The following IQUB variants were observed in gnomAD, a reference collection of about 807,000 sequenced individuals.
IQUB encodes the protein IQ motif and ubiquitin domain containing, also known as IQ motif and ubiquitin-like domain-containing protein.
IQUB carries 86 observed loss-of-function variants against 86.4 expected under a neutral mutation model. That is an observed-to-expected ratio of 1.00 (90% confidence interval 0.84 to 1.19). The LOEUF (loss-of-function observed/expected upper bound fraction) is 1.19. Among genes scored for constraint, IQUB ranks in the 50% most tolerant of loss-of-function variants. IQUB has a pLI of 0.00. For missense variants in IQUB, 946 were observed against 916.9 expected, an observed-to-expected ratio of 1.03 and a Z score of -0.41; for synonymous variants, 289 against 304.5, an observed-to-expected ratio of 0.95 and a Z score of 0.53.
intron 1 of IQUB, among the ~76,000 whole-genome samples, chr7:123,532,113 G>A (rs1797561428): frequency 6.6e-6 from 1 of 152,178 alleles, no homozygotes; most frequent in Admixed American, 6.5e-5. Flanking sequence ...GGTTAATCAA[G>A]TAGCAGAGGC....
chr7:123,482,156 C>T (rs1795038765), intron 7 of IQUB, among the ~76,000 whole-genome samples: 1 of 151,798 alleles, frequency 6.6e-6, no homozygotes, highest in South Asian at 2.1e-4. Flanking sequence ...AATGTTTATA[C>T]AGGAAATCAT....
At chr7:123,530,917 T>G (rs1298572633) in intron 1 of IQUB, among the ~76,000 whole-genome samples, 7 of 152,000 alleles carry the variant, frequency 4.6e-5, no homozygotes, top group Non-Finnish European at 8.8e-5. Context: ...CCTCAGGTGC[T>G]CCGCCCGCCT....
intron 11 of IQUB, among the ~76,000 whole-genome samples, 195 bp downstream of exon 11, chr7:123,461,162 G>T (rs1793959463): frequency 6.6e-6 from 1 of 151,550 alleles, no homozygotes; most frequent in Non-Finnish European, 1.5e-5. Context: ...TAAAAACTTG[G>T]TACTGTATTA....
intron 3 of IQUB, among the ~76,000 whole-genome samples, chr7:123,505,287 A>C (rs190508567): frequency 1.3e-5 from 2 of 152,242 alleles, no homozygotes; most frequent in Admixed American, 1.3e-4. Flanking sequence ...TGGATCTACC[A>C]TTCTGGAGTC....
intron 3 of IQUB, among the ~76,000 whole-genome samples, chr7:123,504,824 C>T (rs1317167602): frequency 6.6e-6 from 1 of 152,170 alleles, no homozygotes; most frequent in South Asian, 2.1e-4. Context: ...TTGCAAAATA[C>T]AATCATTCCT....
chr7:123,467,143 T>C (rs1485107013), intron 9 of IQUB, among the ~76,000 whole-genome samples: 1 of 151,804 alleles, frequency 6.6e-6, no homozygotes, highest in Non-Finnish European at 1.5e-5. Context: ...ATTTAATTTA[T>C]TTACACTGAC....
intron 7 of IQUB, among the ~76,000 whole-genome samples, chr7:123,489,076 T>C (rs552411099): frequency 5.9e-5 from 9 of 152,256 alleles, no homozygotes; most frequent in Non-Finnish European, 1.0e-4. Context: ...AGGCACAATT[T>C]ATATATGGTG....
intron 1 of IQUB, among the ~76,000 whole-genome samples, chr7:123,530,521 A>G (rs1797481529): frequency 6.6e-6 from 1 of 152,112 alleles, no homozygotes; most frequent in South Asian, 2.1e-4. Flanking sequence ...AAAATTTAAA[A>G]AAGCACTTTT....
intron 1 of IQUB, among the ~76,000 whole-genome samples, chr7:123,514,744 C>T (rs546379674): frequency 6.6e-6 from 1 of 152,302 alleles, no homozygotes; most frequent in African/African-American, 2.4e-5. Flanking sequence ...CCCTCACACC[C>T]TTCCCATGCT....
chr7:123,512,416 G>A (rs1013906410), intron 1 of IQUB, 72 bp from the exon 2 acceptor site: 1 of 872,318 alleles, frequency 1.1e-6, no homozygotes, highest in Non-Finnish European at 1.7e-6. Context: ...TTCATTGCTA[G>A]TATAGAGTAA....
chr7:123,493,886 G>C (rs1795600165), intron 7 of IQUB, among the ~76,000 whole-genome samples: 2 of 151,534 alleles, frequency 1.3e-5, no homozygotes, highest in Admixed American at 1.3e-4. Flanking sequence ...GCAGGGAGGA[G>C]GGGTGGGAAG....
At chr7:123,521,321 C>T (rs1240179143) in intron 1 of IQUB, among the ~76,000 whole-genome samples, 2 of 152,000 alleles carry the variant, frequency 1.3e-5, no homozygotes, top group Non-Finnish European at 2.9e-5. Context: ...TCCTAGATTG[C>T]TCCCCTCCAA....
intron 1 of IQUB, among the ~76,000 whole-genome samples, chr7:123,515,857 C>G (rs373728036): frequency 1.3e-3 from 199 of 152,226 alleles, no homozygotes; most frequent in African/African-American, 4.7e-3. Context: ...AGGCTGTGTA[C>G]TATTGACTCA....
intron 1 of IQUB, among the ~76,000 whole-genome samples, chr7:123,523,217 C>A (rs1266746241): frequency 2.1e-5 from 3 of 140,882 alleles, no homozygotes; most frequent in Non-Finnish European, 4.7e-5. Context: ...GGAAATATAC[C>A]CAGTAATGGG....
chr7:123,474,021 T>C (rs918582733), intron 8 of IQUB, among the ~76,000 whole-genome samples: 2 of 152,198 alleles, frequency 1.3e-5, no homozygotes, highest in Non-Finnish European at 2.9e-5. Flanking sequence ...TTATAATCTA[T>C]TAGTTCAATG....
intron 10 of IQUB, among the ~76,000 whole-genome samples, chr7:123,463,556 T>C (rs1030215394): frequency 2.0e-5 from 3 of 151,818 alleles, no homozygotes; most frequent in African/African-American, 7.2e-5. Flanking sequence ...TATGATTCCA[T>C]TTATATGACC....
intron 8 of IQUB, among the ~76,000 whole-genome samples, chr7:123,477,510 C>A (rs1322147135): frequency 1.3e-5 from 2 of 152,134 alleles, no homozygotes; most frequent in African/African-American, 4.8e-5. Flanking sequence ...CTAGGCAATA[C>A]CATTCAGGAC....
intron 8 of IQUB, among the ~76,000 whole-genome samples, chr7:123,477,034 T>C (rs1263076878): frequency 2.0e-5 from 3 of 152,134 alleles, no homozygotes; most frequent in Admixed American, 2.0e-4. Context: ...ATCGATTCAA[T>C]GCCATCCCCA....
intron 1 of IQUB, among the ~76,000 whole-genome samples, chr7:123,519,841 A>C (rs1796824171): frequency 6.6e-6 from 1 of 152,240 alleles, no homozygotes; most frequent in Non-Finnish European, 1.5e-5. Flanking sequence ...AGATATCCTA[A>C]TTACCTTAAT....
Sources: allele counts gnomAD v4.1 joint callset (sites outside exome capture counted in the v4.1 genomes callset), GRCh38; gene constraint gnomAD v4.1.1; transcripts MANE v1.5; gene names NCBI Gene and HGNC (gene_info 2026-07-23, HGNC 2026-07-21).